The following ANTXR2 variants were observed in gnomAD, a reference collection of about 807,000 sequenced individuals.
The protein encoded by ANTXR2 is ANTXR cell adhesion molecule 2.
In ANTXR2, 44 loss-of-function variants were observed where a neutral mutation model predicts 73.7. That is an observed-to-expected ratio of 0.60 (90% CI 0.47 to 0.77). The LOEUF (loss-of-function observed/expected upper bound fraction) is 0.77, where lower values mean the gene tolerates loss of function less well. Ranked by LOEUF, ANTXR2 falls within the 30% of genes least tolerant of loss-of-function variation. The probability of loss-of-function intolerance (pLI) is 0.00; values close to 1 mark genes in which losing one functional copy is unlikely to be tolerated. For missense variants in ANTXR2, 604 were observed against 592.5 expected, an observed-to-expected ratio of 1.02 and a Z score of -0.20; for synonymous variants, 217 against 205.9, an observed-to-expected ratio of 1.05 and a Z score of -0.46.
At chr4:79,988,104 T>C (rs1481724562) in intron 12 of ANTXR2, among the ~76,000 whole-genome samples, 3 of 151,208 alleles carry the variant, frequency 2.0e-5, no homozygotes, top group Non-Finnish European at 3.0e-5. Flanking sequence ...AATCTTCACG[T>C]ATCAATATTG....
intron 7 of ANTXR2, among the ~76,000 whole-genome samples, chr4:80,042,514 C>T (rs1273752704): frequency 6.6e-6 from 1 of 151,932 alleles, no homozygotes; most frequent in Non-Finnish European, 1.5e-5. Flanking sequence ...CACTGTCTCA[C>T]CTAGGTTGCT....
intron 12 of ANTXR2, among the ~76,000 whole-genome samples, chr4:79,993,638 G>T (rs1204247016): frequency 1.1e-4 from 16 of 151,718 alleles, no homozygotes; most frequent in Non-Finnish European, 1.5e-5. Context: ...CAGTCCATTG[G>T]CAAGGAACCC....
chr4:79,914,359 G>A (rs913322982), intron 16 of ANTXR2, among the ~76,000 whole-genome samples: 2 of 151,876 alleles, frequency 1.3e-5, no homozygotes, highest in African/African-American at 2.4e-5. Context: ...TCTTGACTTC[G>A]GCTTATTATT....
chr4:79,987,985 G>A (rs1307096908), intron 12 of ANTXR2, among the ~76,000 whole-genome samples: 1 of 151,866 alleles, frequency 6.6e-6, no homozygotes, highest in Non-Finnish European at 1.5e-5. Flanking sequence ...ACATGGAAAT[G>A]TAAGACCTGC....
intron 12 of ANTXR2, among the ~76,000 whole-genome samples, chr4:79,996,771 G>A (rs1730750238): frequency 6.6e-6 from 1 of 151,862 alleles, no homozygotes; most frequent in South Asian, 2.1e-4. Flanking sequence ...AATAGTGCAA[G>A]AATACACATT....
chr4:79,915,893 G>A (rs1727337812), intron 16 of ANTXR2, among the ~76,000 whole-genome samples: 1 of 139,380 alleles, frequency 7.2e-6, no homozygotes, highest in African/African-American at 2.6e-5. Context: ...AAGAATCTGT[G>A]CTATCTTTTG....
intron 12 of ANTXR2, among the ~76,000 whole-genome samples, chr4:80,006,105 A>C (rs1326853128): frequency 6.6e-6 from 1 of 152,164 alleles, no homozygotes; most frequent in African/African-American, 2.4e-5. Context: ...CAGGTCAGTC[A>C]GGTTTCTCTG....
In ANTXR2 at chr4:79,980,317, A is replaced by T. The variant is rs548803786; in HGVS notation, c.1180-2143T>A. Among the ~76,000 whole-genome samples the T allele has an allele frequency of 2.0e-5, 3 of 152,302 alleles. No homozygotes were observed. In the South Asian group the frequency reaches 6.2e-4, roughly 32 times the overall value. On this transcript the variant is annotated intron_variant, in intron 14 of 16. Transcript: ENST00000403729. ...GAAACTAGAAATTATTACAGTTTTC[A>T]AACTCTTAAAAACAATTAAATATAC...
Position 80,069,484 on chromosome 4 carries a change from A to G in ANTXR2, c.248T>C (p.Ile83Thr). ...AATAGTTGCTTGAGAAGAAAACACA[A>G]TGAAAGATAATCTCATTTCAGGGCT... ...FVSPEMRLSF[I>T]VFSSQATIIL... The change falls in exon 3 of 17, where the codon ATT becomes ACT. Residue 83 changes from isoleucine to threonine, a missense_variant. Physicochemically the swap from Ile to Thr is moderately conservative, Grantham distance 89. Transcript: ENST00000403729. The G allele has an allele frequency of 3.1e-6, 5 of 1,604,318 alleles. No homozygotes were observed. The highest frequency in any genetic ancestry group is 4.3e-6 in the Non-Finnish European group (5 of 1,174,188).
Position 80,072,500 on chromosome 4 carries a change from G to GC in ANTXR2, c.60dup (p.Leu21AlafsTer24). ...CCCCCGGGACCGCTGAGCACCAACAGCCACAGCCCGGGGAACAGCCAGCTC... is the reference window on the plus strand; with the variant it reads ...CCCCCGGGACCGCTGAGCACCAACAGCCCACAGCCCGGGGAACAGCCAGCTC... On this transcript the variant is annotated frameshift_variant, in exon 1 of 17. Transcript: ENST00000403729. LOFTEE classifies it high-confidence loss of function. The GC allele has an allele frequency of 1.2e-6, 2 of 1,607,354 alleles. No individual in the cohort carries two copies. Among genetic ancestry groups the GC allele is most frequent in the Non-Finnish European group, 1.7e-6 (2 of 1,177,496 alleles).
At chr4:80,022,561 T>C (rs1732220812) in intron 10 of ANTXR2, among the ~76,000 whole-genome samples, 1 of 152,168 alleles carries the variant, frequency 6.6e-6, no homozygotes, top group Non-Finnish European at 1.5e-5. Flanking sequence ...CTATACATAT[T>C]TAGTGTTTTC....
chr4:80,011,145 C>CA (rs35059720), intron 11 of ANTXR2, among the ~76,000 whole-genome samples: 72,451 of 150,728 alleles, frequency 0.48, 19,926 homozygotes, highest in East Asian at 0.92. Context: ...GACTCCATCT[C>CA]AAAAAAAATA....
intron 12 of ANTXR2, among the ~76,000 whole-genome samples, chr4:80,001,507 G>GA (rs1318096235): frequency 1.3e-5 from 2 of 151,820 alleles, no homozygotes; most frequent in South Asian, 2.1e-4. Flanking sequence ...GTTCAGGGTT[G>GA]AAAAAAATGT....
At chr4:79,983,410 A>AT (rs1729970729) in intron 14 of ANTXR2, among the ~76,000 whole-genome samples, 1 of 152,172 alleles carries the variant, frequency 6.6e-6, no homozygotes, top group South Asian at 2.1e-4. Flanking sequence ...ACAATAGTTC[A>AT]TAAGTGGCAA....
chr4:79,951,670 A>C (rs563776406), intron 16 of ANTXR2, among the ~76,000 whole-genome samples: 19 of 152,204 alleles, frequency 1.2e-4, no homozygotes, highest in African/African-American at 4.1e-4. Flanking sequence ...TATAGCTCAA[A>C]AGTTGCTAAA....
chr4:80,004,027 A>C (rs903913837), intron 12 of ANTXR2, among the ~76,000 whole-genome samples: 10 of 152,008 alleles, frequency 6.6e-5, no homozygotes, highest in Non-Finnish European at 1.5e-4. Context: ...CAACAGGTGA[A>C]TAATTCAACA....
intron 8 of ANTXR2, among the ~76,000 whole-genome samples, chr4:80,034,183 C>A (rs889073083): frequency 1.3e-5 from 2 of 151,992 alleles, no homozygotes; most frequent in African/African-American, 2.4e-5. Context: ...GTTGATTTAA[C>A]TTATTGTACC....
chr4:80,050,862 A>G (rs1733740953), intron 7 of ANTXR2, among the ~76,000 whole-genome samples: 1 of 151,670 alleles, frequency 6.6e-6, no homozygotes, highest in Admixed American at 6.6e-5. Flanking sequence ...TATAAATCCC[A>G]TGCTCTAAAT....
intron 12 of ANTXR2, among the ~76,000 whole-genome samples, chr4:79,989,959 C>G (rs1730384743): frequency 6.7e-6 from 1 of 149,924 alleles, no homozygotes; most frequent in African/African-American, 2.4e-5. Context: ...TCTCAACAAA[C>G]TAGGCATCAA....
Sources: allele counts gnomAD v4.1 joint callset (sites outside exome capture counted in the v4.1 genomes callset), GRCh38; gene constraint gnomAD v4.1.1; transcripts MANE v1.5; gene names NCBI Gene and HGNC (gene_info 2026-07-23, HGNC 2026-07-21).